The following MARCHF1 variants were observed in gnomAD, a reference collection of about 807,000 sequenced individuals.
MARCHF1 encodes the protein E3 ubiquitin-protein ligase MARCHF1.
In MARCHF1, 40 loss-of-function variants were observed where a neutral mutation model predicts 54.2. The observed-to-expected ratio is 0.74, with a 90% CI of 0.57 to 0.96. The LOEUF (loss-of-function observed/expected upper bound fraction) is 0.96, where lower values mean the gene tolerates loss of function less well. Ranked by LOEUF, MARCHF1 falls within the 40% of genes least tolerant of loss-of-function variation. The pLI is 0.00. For missense variants in MARCHF1, 586 were observed against 656.5 expected (o/e 0.89, Z 1.17); for synonymous variants, 236 against 236.3 (o/e 1.00, Z 0.01).
intron 2 of MARCHF1, among the ~76,000 whole-genome samples, chr4:164,016,609 A>G (rs1007423803): frequency 6.6e-6 from 1 of 152,156 alleles, no homozygotes; most frequent in Non-Finnish European, 1.5e-5. Context: ...CTAAAGAAAA[A>G]TAACTCATGG....
chr4:164,163,222 C>T (rs1730287284), intron 1 of MARCHF1, among the ~76,000 whole-genome samples: 1 of 151,288 alleles, frequency 6.6e-6, no homozygotes, highest in South Asian at 2.1e-4. Flanking sequence ...GGTGATATTT[C>T]AATAAAAATA....
chr4:163,745,101 C>A (rs1178902117), intron 4 of MARCHF1, among the ~76,000 whole-genome samples: 1 of 150,118 alleles, frequency 6.7e-6, no homozygotes, highest in East Asian at 1.9e-4. Context: ...CTCGTTTTTT[C>A]TTTTTCTTTC....
At chr4:163,950,617 G>T (rs781155989) in intron 3 of MARCHF1, among the ~76,000 whole-genome samples, 1 of 152,126 alleles carries the variant, frequency 6.6e-6, no homozygotes, top group Admixed American at 6.5e-5. Flanking sequence ...CCCAGCTCCC[G>T]CTGGCTCCGT....
intron 4 of MARCHF1, among the ~76,000 whole-genome samples, chr4:163,786,139 C>T (rs1747612613): frequency 6.6e-6 from 1 of 151,978 alleles, no homozygotes; most frequent in Non-Finnish European, 1.5e-5. Flanking sequence ...TATTAGGACT[C>T]CTGACCTCCA....
At chr4:164,059,416 T>C (rs1477457918) in intron 2 of MARCHF1, among the ~76,000 whole-genome samples, 1 of 152,200 alleles carries the variant, frequency 6.6e-6, no homozygotes, top group African/African-American at 2.4e-5. Context: ...TAAGTTTTGA[T>C]AAAGTTCTAG....
At chr4:164,004,183 G>A (rs945403674) in intron 2 of MARCHF1, among the ~76,000 whole-genome samples, 2 of 151,650 alleles carry the variant, frequency 1.3e-5, no homozygotes, top group African/African-American at 4.8e-5. Flanking sequence ...ATGCATGTGG[G>A]GCTTAAAAAT....
intron 1 of MARCHF1, among the ~76,000 whole-genome samples, chr4:164,235,178 G>T (rs905884841): frequency 4.6e-5 from 7 of 151,878 alleles, no homozygotes; most frequent in Non-Finnish European, 1.0e-4. Context: ...AAACATTCTC[G>T]ATTTTATCCA....
intron 1 of MARCHF1, among the ~76,000 whole-genome samples, chr4:164,145,601 G>A (rs1337533336): frequency 6.6e-6 from 1 of 152,110 alleles, no homozygotes; most frequent in African/African-American, 2.4e-5. Flanking sequence ...ATTCAGAAAA[G>A]GCCTTCGACA....
intron 1 of MARCHF1, among the ~76,000 whole-genome samples, chr4:164,219,553 T>G (rs979988214): frequency 2.0e-5 from 3 of 152,010 alleles, no homozygotes; most frequent in Non-Finnish European, 2.9e-5. Flanking sequence ...TTCAGAGATA[T>G]GAATCCTTCA....
At chr4:163,889,824 G>T in intron 3 of MARCHF1, among the ~76,000 whole-genome samples, 1 of 147,660 alleles carries the variant, frequency 6.8e-6, no homozygotes, top group Non-Finnish European at 1.5e-5. Context: ...ATGTTCCCAA[G>T]TGATTACTGC....
chr4:163,920,821 C>T (rs973840022), intron 3 of MARCHF1, among the ~76,000 whole-genome samples: 4 of 151,814 alleles, frequency 2.6e-5, no homozygotes, highest in Non-Finnish European at 5.9e-5. Flanking sequence ...TGAAAAATAA[C>T]TATGTCTCTA....
intron 1 of MARCHF1, among the ~76,000 whole-genome samples, chr4:164,231,913 TA>T (rs1732424090): frequency 6.6e-6 from 1 of 152,118 alleles, no homozygotes; most frequent in African/African-American, 2.4e-5. Flanking sequence ...TTTGACACTA[TA>T]ATTGCAATTA....
At chr4:164,269,459 CTTT>C (rs1166699045) in intron 1 of MARCHF1, among the ~76,000 whole-genome samples, 1 of 152,078 alleles carries the variant, frequency 6.6e-6, no homozygotes, top group African/African-American at 2.4e-5. Context: ...GCATAGACTT[CTTT>C]TTGTCTTTAA....
chr4:163,559,873 C>T (rs77564691), intron 8 of MARCHF1, among the ~76,000 whole-genome samples: 9,846 of 152,122 alleles, frequency 0.065, 433 homozygotes, highest in South Asian at 0.14. Context: ...GTGTCAGCCT[C>T]GGAAATCTAG....
Position 163,658,995 on chromosome 4 carries a change from T to C in MARCHF1, c.162+41818A>G, listed in dbSNP as rs190256926. On this transcript the variant is annotated intron_variant, in intron 5 of 9. Coordinates refer to ENST00000514618, the MANE Select transcript of MARCHF1 (RefSeq NM_001394959.1). ...GAAAAAAAAATGATTTAGCTGGATA[T>C]ATCATTTTATATTAACAATTTATAA... Among the ~76,000 whole-genome samples the C allele has an allele frequency of 2.2e-3, 332 of 152,096 alleles. 1 individual carries two copies. The highest frequency in any genetic ancestry group is 3.5e-3 in the Non-Finnish European group (236 of 67,946).
At chr4:163,646,732 C>G (rs1742773567) in intron 5 of MARCHF1, among the ~76,000 whole-genome samples, 1 of 151,910 alleles carries the variant, frequency 6.6e-6, no homozygotes, top group Non-Finnish European at 1.5e-5. Context: ...TATGAAGTGT[C>G]AGGAAAACAA....
rs376594976 is a variant in MARCHF1, at chr4:164,196,972, A to C, written c.-322-85310T>G. 11 of 1,600,826 alleles carry C rather than the reference A, an allele frequency of 6.9e-6. No individual in the cohort carries two copies. The Admixed American group carries it at 1.8e-4, about 27-fold the overall frequency. On this transcript the variant is annotated intron_variant, in intron 1 of 9. Coordinates refer to ENST00000514618, the MANE Select transcript of MARCHF1 (RefSeq NM_001394959.1). The stretch of plus-strand genomic sequence containing the variant: ...GGAATTTTTCAAAATAGGTTATTCT[A>C]CTTAGTCATCATCTTCTCCCTCATC...
chr4:163,872,915 G>C (rs1171089905), intron 3 of MARCHF1, among the ~76,000 whole-genome samples: 1 of 151,984 alleles, frequency 6.6e-6, no homozygotes, highest in East Asian at 1.9e-4. Flanking sequence ...GTGGTGGCGG[G>C]CGCCTGTAGT....
rs1012831147 is a variant in MARCHF1 at position 163,979,664 on chromosome 4, C to G, written c.-39+8837G>C. 2.9e-4 allele frequency among the ~76,000 whole-genome samples: 44 copies of G among 152,108 alleles called. 1 individual carries two copies. Among genetic ancestry groups the G allele is most frequent in the African/African-American group, 1.0e-3 (43 of 41,490 alleles). ...CAATGTACAAGTGTTCCTATTTCTC[C>G]ACATCCTCTCCAGCACCTGTTGTTT... On this transcript the variant is annotated intron_variant, in intron 3 of 9. Transcript: ENST00000514618.
Sources: gnomAD v4.1 joint callset for allele counts (sites outside exome capture counted in the v4.1 genomes callset) on GRCh38, gnomAD v4.1.1 for gene constraint, MANE v1.5 for transcripts, NCBI Gene and HGNC (gene_info 2026-07-23, HGNC 2026-07-21) for gene names.